RBFOX1: variants seen among roughly 807,000 people sequenced by gnomAD.
RBFOX1 encodes the protein RNA binding fox-1 homolog 1, also known as RNA binding protein fox-1 homolog 1.
In RBFOX1, 8 loss-of-function variants were observed where a neutral mutation model predicts 57.7. That is an observed-to-expected ratio of 0.14 (90% CI 0.08 to 0.25). The LOEUF (loss-of-function observed/expected upper bound fraction) is 0.25, where lower values mean the gene tolerates loss of function less well. Among genes scored for constraint, RBFOX1 ranks in the 10% least tolerant of loss-of-function variants. RBFOX1 has a pLI of 1.00. For missense variants in RBFOX1, 611 were observed against 548.5 expected, an observed-to-expected ratio of 1.11 and a Z score of -1.14; for synonymous variants, 326 against 222.4, an observed-to-expected ratio of 1.47 and a Z score of -4.15.
At chr16:6,694,033 A>G (rs573207125) in intron 3 of RBFOX1, among the ~76,000 whole-genome samples, 3 of 152,376 alleles carry the variant, frequency 2.0e-5, no homozygotes, top group African/African-American at 7.2e-5. Context: ...TAATATAGGC[A>G]TGTGTTTGTC....
At position 7,641,157 on chromosome 16, in the gene RBFOX1, A is replaced by C. The variant is rs150759636; in HGVS notation, c.757+10474A>C. On this transcript the variant is annotated intron_variant, in intron 11 of 15. Transcript: ENST00000550418. Reference sequence around the variant, plus strand: ...GCACTCATAATTCAAGAGCTGGAGCAATCATTCTTTCATCAAATACCAGTC... The same window carrying C: ...GCACTCATAATTCAAGAGCTGGAGCCATCATTCTTTCATCAAATACCAGTC... Among the ~76,000 whole-genome samples, 40 of 152,284 alleles carry C rather than the reference A, an allele frequency of 2.6e-4. No homozygotes were observed. In the East Asian group the frequency reaches 7.0e-3, roughly 27 times the overall value.
chr16:7,288,572 G>A lies in RBFOX1; in HGVS notation c.28-229575G>A, dbSNP rs550317046. On this transcript the variant is annotated intron_variant, in intron 4 of 15. Transcript: ENST00000550418. ...GTGCTATTACTGGCCGGAGAGCAGT[G>A]GCTCACACCTATAACCCCAGTACTT... Among the ~76,000 whole-genome samples the A allele has an allele frequency of 9.8e-5, 15 of 152,296 alleles. No individual in the cohort carries two copies. The East Asian group carries it at 2.5e-3, about 26-fold the overall frequency.
intron 3 of RBFOX1, among the ~76,000 whole-genome samples, chr16:6,688,556 C>T (rs941225895): frequency 3.3e-5 from 5 of 152,146 alleles, no homozygotes; most frequent in African/African-American, 1.2e-4. Flanking sequence ...GTAGTGGGGA[C>T]AATAGGAGTC....
At chr16:7,697,208 G>A (rs904860225) in intron 14 of RBFOX1, among the ~76,000 whole-genome samples, 1 of 152,140 alleles carries the variant, frequency 6.6e-6, no homozygotes, top group African/African-American at 2.4e-5. Flanking sequence ...AATGGCTTGG[G>A]TTAGTGGGGT....
At position 6,612,257 on chromosome 16, in the gene RBFOX1, T is replaced by G. The variant is rs77226353; in HGVS notation, c.-63-42346T>G. On this transcript the variant is annotated intron_variant, in intron 2 of 15. Coordinates refer to ENST00000550418, the MANE Select transcript of RBFOX1 (RefSeq NM_018723.4). ...CTCTTGACCAATATTCCCCTAAATG[T>G]TAAAATTTTGCATGATCACAACACA... Among the ~76,000 whole-genome samples, 123 of 152,276 alleles carry G rather than the reference T, an allele frequency of 8.1e-4. 1 individual carries two copies. The East Asian group carries it at 0.014, about 17-fold the overall frequency.
chr16:5,866,530 T>A (rs1057475765), intron 3 of RBFOX1, among the ~76,000 whole-genome samples: 1 of 152,154 alleles, frequency 6.6e-6, no homozygotes, highest in Non-Finnish European at 1.5e-5. Flanking sequence ...GAGAAAAAGA[T>A]CTGATCTCTA....
chr16:5,358,961 C>T (rs2065468904), intron 1 of RBFOX1, among the ~76,000 whole-genome samples: 1 of 152,228 alleles, frequency 6.6e-6, no homozygotes, highest in South Asian at 2.1e-4. Context: ...CCTCCACCCT[C>T]CATTACCCTT....
chr16:5,580,667 G>A (rs942867626), intron 2 of RBFOX1, among the ~76,000 whole-genome samples: 1 of 152,178 alleles, frequency 6.6e-6, no homozygotes, highest in Non-Finnish European at 1.5e-5. Flanking sequence ...TTGGGGAGAG[G>A]ATGCAAACGT....
chr16:5,473,645 G>A (rs2151626699), intron 2 of RBFOX1, among the ~76,000 whole-genome samples: 1 of 140,920 alleles, frequency 7.1e-6, no homozygotes, highest in East Asian at 2.4e-4. Flanking sequence ...AAGGGTGGGT[G>A]GGTGGATGGA....
At chr16:6,973,873 G>C (rs12926215) in intron 3 of RBFOX1, among the ~76,000 whole-genome samples, 118,821 of 152,098 alleles carry the variant, frequency 0.78, 46,737 homozygotes, top group African/African-American at 0.87. Flanking sequence ...TGCCTGTCAA[G>C]CTGTCATCAA....
intron 4 of RBFOX1, among the ~76,000 whole-genome samples, chr16:7,421,780 G>T (rs953543747): frequency 6.6e-6 from 1 of 152,190 alleles, no homozygotes. Flanking sequence ...TCGTGCTGTC[G>T]TCAGCAGTTT....
At chr16:6,075,899 A>T (rs1279046641) in intron 1 of RBFOX1, among the ~76,000 whole-genome samples, 2 of 152,182 alleles carry the variant, frequency 1.3e-5, no homozygotes, top group Non-Finnish European at 2.9e-5. Context: ...GCACTGTCTC[A>T]TTTAATGCTT....
rs188698699 is a variant in RBFOX1, at chr16:7,632,140, C to T, written c.757+1457C>T. 2.1e-4 allele frequency among the ~76,000 whole-genome samples: 32 copies of T among 152,244 alleles called. No homozygotes were observed. In the East Asian group the frequency reaches 6.2e-3, roughly 29 times the overall value. ...GCCAGGCTGGTCTCAAAGTCCTGAC[C>T]TCAGATGATCCATCCACCTCAGCCT... On this transcript the variant is annotated intron_variant, in intron 11 of 15. Transcript: ENST00000550418.
intron 3 of RBFOX1, among the ~76,000 whole-genome samples, chr16:5,737,369 C>T (rs776308367): frequency 2.0e-5 from 3 of 152,026 alleles, no homozygotes; most frequent in Non-Finnish European, 4.4e-5. Context: ...CCTGTAGTCC[C>T]AGCTACTTTG....
intron 4 of RBFOX1, among the ~76,000 whole-genome samples, chr16:6,007,089 G>C (rs1377449923): frequency 6.6e-6 from 1 of 152,140 alleles, no homozygotes; most frequent in African/African-American, 2.4e-5. Context: ...AGCTTTCTGG[G>C]AATGAGGATA....
chr16:5,686,638 T>C (rs923371335), intron 3 of RBFOX1, among the ~76,000 whole-genome samples: 1 of 152,194 alleles, frequency 6.6e-6, no homozygotes, highest in African/African-American at 2.4e-5. Context: ...ATGAATTGAT[T>C]TCTCTCTATA....
At chr16:7,190,862 G>A (rs1305729891) in intron 4 of RBFOX1, among the ~76,000 whole-genome samples, 1 of 152,156 alleles carries the variant, frequency 6.6e-6, no homozygotes, top group African/African-American at 2.4e-5. Context: ...AACAAGGATT[G>A]ACTATTCTTC....
At chr16:5,519,044 C>T (rs1216542104) in intron 2 of RBFOX1, among the ~76,000 whole-genome samples, 1 of 152,158 alleles carries the variant, frequency 6.6e-6, no homozygotes, top group Non-Finnish European at 1.5e-5. Flanking sequence ...AGAAGGAGAA[C>T]TGTGTGGCAC....
chr16:5,889,736 T>G (rs923644826), intron 4 of RBFOX1, among the ~76,000 whole-genome samples: 12 of 152,186 alleles, frequency 7.9e-5, no homozygotes, highest in African/African-American at 2.9e-4. Flanking sequence ...CACCTAGTCC[T>G]GGGGTTGGGG....
Sources: gnomAD v4.1 joint callset for allele counts (sites outside exome capture counted in the v4.1 genomes callset) on GRCh38, gnomAD v4.1.1 for gene constraint, MANE v1.5 for transcripts, NCBI Gene and HGNC (gene_info 2026-07-23, HGNC 2026-07-21) for gene names.